The following MYEF2 variants were observed in gnomAD, a reference collection of about 807,000 sequenced individuals.
MYEF2 encodes the protein myelin gene expression factor 2.
A neutral mutation model predicts 75.2 loss-of-function variants in MYEF2; 37 were observed. The observed-to-expected ratio is 0.49, with a 90% confidence interval of 0.38 to 0.65. MYEF2 has a LOEUF of 0.65. Among genes scored for constraint, MYEF2 ranks in the 30% least tolerant of loss-of-function variants. The pLI, the probability that MYEF2 is intolerant of heterozygous loss-of-function variation, is 0.00. For synonymous variants in MYEF2, 195 were observed against 241.6 expected (o/e 0.81, Z 1.79); for missense variants, 634 against 771.4 (o/e 0.82, Z 2.11).
chr15:48,163,416 A>T (rs1425181165), intron 5 of MYEF2, among the ~76,000 whole-genome samples: 2 of 152,216 alleles, frequency 1.3e-5, no homozygotes, highest in African/African-American at 4.8e-5. Flanking sequence ...AAAGCTGCAG[A>T]AGAAAAGTTT....
Position 48,151,496 on chromosome 15 carries a change from A to G in MYEF2, c.1283T>C (p.Phe428Ser). 6.2e-7 allele frequency: 1 copy of G among 1,613,064 alleles called. No individual in the cohort carries two copies. Among genetic ancestry groups the G allele is most frequent in the African/African-American group, 1.3e-5 (1 of 74,990 alleles). ...ACCAAGTCTACCAAAGGAATCTCCA[A>G]AGCCTCGATTTATTCCAATATCACC... ...GRGDIGINRG[F>S]GDSFGRLGSA... is the part of the protein sequence containing the mutation. Residue 428 changes from phenylalanine (F) to serine (S), a missense_variant, in exon 13 of 17, where the codon TTT (phenylalanine) becomes TCT (serine). Coordinates refer to ENST00000324324, the MANE Select transcript of MYEF2 (RefSeq NM_016132.5).
intron 16 of MYEF2, among the ~76,000 whole-genome samples, chr15:48,144,205 A>G (rs1426937637): frequency 6.6e-6 from 1 of 152,060 alleles, no homozygotes; most frequent in Non-Finnish European, 1.5e-5. Flanking sequence ...AAGCAAGAGG[A>G]CCTGTCGAAA....
At chr15:48,158,136 T>C in intron 8 of MYEF2, 39 bp downstream of exon 8, 1 of 1,612,140 alleles carries the variant, frequency 6.2e-7, no homozygotes, top group Non-Finnish European at 8.5e-7. Flanking sequence ...ATAAAAGATC[T>C]GAAGAGGTTG....
At chr15:48,144,788 C>A (rs1329572781) in intron 16 of MYEF2, among the ~76,000 whole-genome samples, 2 of 151,618 alleles carry the variant, frequency 1.3e-5, no homozygotes, top group African/African-American at 4.8e-5. Flanking sequence ...AATGACAGCA[C>A]CTTACAGTTA....
intron 9 of MYEF2, 60 bp from the exon 10 acceptor site, chr15:48,153,953 TA>T: frequency 7.1e-7 from 1 of 1,414,380 alleles, no homozygotes; most frequent in Non-Finnish European, 9.7e-7. Context: ...TAATTGGCAA[TA>T]AAATTTTTTA....
Position 48,152,303 on chromosome 15 carries a change from T to C in MYEF2, c.1088-19A>G. The C allele has an allele frequency of 6.3e-7, 1 of 1,581,044 alleles. No individual in the cohort carries two copies. The highest frequency in any genetic ancestry group is 8.6e-7 in the Non-Finnish European group (1 of 1,157,916). The stretch of plus-strand genomic sequence containing the variant: ...CCCATACCTCAAATAAAATACACAG[T>C]ATGTACTTTAAGTATATTTTATTTT... On this transcript the variant is annotated intron_variant, in intron 10 of 16. Transcript: ENST00000324324.
chr15:48,167,936 G>A (rs1179174664), intron 2 of MYEF2, among the ~76,000 whole-genome samples: 1 of 151,574 alleles, frequency 6.6e-6, no homozygotes, highest in Non-Finnish European at 1.5e-5. Flanking sequence ...ATACACCAAT[G>A]CAATTTAAAA....
intron 5 of MYEF2, among the ~76,000 whole-genome samples, chr15:48,161,833 T>C (rs2039953277): frequency 6.8e-6 from 1 of 147,016 alleles, no homozygotes; most frequent in Admixed American, 6.7e-5. Flanking sequence ...GTAAATGCAG[T>C]TTTTGCCATT....
At position 48,134,749 on chromosome 15, in the gene MYEF2, A is replaced by T; in HGVS notation, c.*8159T>A. The T allele has an allele frequency of 1.3e-6, 1 of 797,804 alleles. No homozygotes were observed. The highest frequency in any genetic ancestry group is 2.0e-6 in the Non-Finnish European group (1 of 511,522). 49.4% of individuals were successfully genotyped at this position (797,804 alleles called of 1,614,324 possible). On this transcript the variant is annotated 3_prime_UTR_variant, in exon 17 of 17. Coordinates refer to ENST00000324324, the MANE Select transcript of MYEF2 (RefSeq NM_016132.5). ...TCTGTGTAAGTTAGAACACAATTTT[A>T]CATTTTTTTCTCTAAGCAATATGCA... is the stretch of plus-strand genomic sequence containing the variant.
intron 16 of MYEF2, among the ~76,000 whole-genome samples, chr15:48,147,083 A>C (rs151313290): frequency 1.9e-3 from 295 of 152,134 alleles, no homozygotes; most frequent in African/African-American, 6.8e-3. Context: ...GGATTATAAG[A>C]ATAGAGCTAA....
chr15:48,146,859 CTAGA>C (rs2039302748), intron 16 of MYEF2, among the ~76,000 whole-genome samples: 1 of 151,936 alleles, frequency 6.6e-6, no homozygotes. Flanking sequence ...TTCATACTAG[CTAGA>C]TAATTTGTAT....
chr15:48,172,693 C>T (rs2040385377), intron 1 of MYEF2, among the ~76,000 whole-genome samples: 1 of 151,786 alleles, frequency 6.6e-6, no homozygotes, highest in Non-Finnish European at 1.5e-5. Context: ...GACATTATAA[C>T]AGATACCACA....
At position 48,142,390 on chromosome 15, in the gene MYEF2, G is replaced by A; in HGVS notation, c.*518C>T. On this transcript the variant is annotated 3_prime_UTR_variant, in exon 17 of 17. Coordinates refer to ENST00000324324, the MANE Select transcript of MYEF2 (RefSeq NM_016132.5). ...GTTATGCAGAAAATATGAATGGCAG[G>A]GAGGGGCAGAGAGAAAAATCCATTT... The A allele has an allele frequency of 2.3e-6, 3 of 1,315,496 alleles. No homozygotes were observed. The highest frequency in any genetic ancestry group is 3.1e-6 in the Non-Finnish European group (3 of 971,848). The allele number at this position is 1,315,496 out of a possible 1,614,324, so 81.5% of individuals were successfully genotyped here. A position where few individuals can be genotyped will look rare whatever the true frequency, so the allele number is the denominator to read the frequency against.
At chr15:48,148,904 C>T (rs1171842930) in intron 16 of MYEF2, 128 bp downstream of exon 16, 3 of 870,204 alleles carry the variant, frequency 3.4e-6, no homozygotes, top group Admixed American at 4.3e-5. Context: ...TTAGACCTGG[C>T]ACGCTATCAA....
At chr15:48,173,687 G>C (rs999571296) in intron 1 of MYEF2, among the ~76,000 whole-genome samples, 4 of 151,486 alleles carry the variant, frequency 2.6e-5, no homozygotes. Context: ...AAAATCCACT[G>C]CATATCTACA....
chr15:48,154,187 T>C (rs1461995080), intron 9 of MYEF2: 1 of 203,562 alleles, frequency 4.9e-6, no homozygotes, highest in Non-Finnish European at 9.9e-6. Flanking sequence ...TAGAGGATTT[T>C]GAATAATATC....
In MYEF2 at chr15:48,134,904, G is replaced by A; in HGVS notation, c.*8004C>T. On this transcript the variant is annotated 3_prime_UTR_variant, in exon 17 of 17. Transcript: ENST00000324324. Reference sequence around the variant, plus strand: ...TACAGGTCTCAACACTATCATGTTGGCCCCTATTCAGAGACTGTGCAGCGT... The same window carrying A: ...TACAGGTCTCAACACTATCATGTTGACCCCTATTCAGAGACTGTGCAGCGT... 1 of 1,611,506 alleles carries A rather than the reference G, an allele frequency of 6.2e-7. No homozygotes were observed. Among genetic ancestry groups the A allele is most frequent in the South Asian group, 1.1e-5 (1 of 90,446 alleles).
intron 5 of MYEF2, among the ~76,000 whole-genome samples, chr15:48,160,164 T>A (rs2039880984): frequency 6.6e-6 from 1 of 152,120 alleles, no homozygotes; most frequent in Non-Finnish European, 1.5e-5. Context: ...TGGTCATTTC[T>A]CACTATTGGA....
intron 16 of MYEF2, 85 bp downstream of exon 16, chr15:48,148,947 A>C (rs1373733120): frequency 7.3e-7 from 1 of 1,376,366 alleles, no homozygotes; most frequent in Non-Finnish European, 1.0e-6. Flanking sequence ...GGACAGGCAA[A>C]GGTCTAAACA....
Sources: gnomAD v4.1 joint callset for allele counts (sites outside exome capture counted in the v4.1 genomes callset) on GRCh38, gnomAD v4.1.1 for gene constraint, MANE v1.5 for transcripts, NCBI Gene and HGNC (gene_info 2026-07-23, HGNC 2026-07-21) for gene names.